Variants in ADAMTS19 observed in about 807,000 individuals in gnomAD.
The protein encoded by ADAMTS19 is A disintegrin and metalloproteinase with thrombospondin motifs 19.
ADAMTS19 carries 93 observed loss-of-function variants against 153.3 expected under a neutral mutation model. The ratio of observed to expected loss-of-function variants is 0.61; its 90% confidence interval spans 0.51 to 0.72. The LOEUF (loss-of-function observed/expected upper bound fraction) is 0.72, where lower values mean the gene tolerates loss of function less well. ADAMTS19 is among the 30% of genes least tolerant of loss of function. ADAMTS19 has a pLI of 0.00. For missense variants in ADAMTS19, 1,482 were observed against 1,552.1 expected (o/e 0.95, Z 0.76); for synonymous variants, 600 against 556.6 (o/e 1.08, Z -1.10).
rs371526889 is a variant in ADAMTS19, at chr5:129,731,747, G to T, written c.3313-3185G>T. On this transcript the variant is annotated intron_variant, in intron 21 of 22. Coordinates refer to ENST00000274487, the MANE Select transcript of ADAMTS19 (RefSeq NM_133638.6). ...AATAGTGACTTAGGAAAATACAGGG[G>T]AAAAAAGTATTACAAATGATATGTC... Among the ~76,000 whole-genome samples, 16 of 151,744 alleles carry T rather than the reference G, an allele frequency of 1.1e-4. No homozygotes were observed. In the East Asian group the frequency reaches 1.4e-3, roughly 13 times the overall value.
intron 16 of ADAMTS19, among the ~76,000 whole-genome samples, chr5:129,668,554 A>G (rs1199407046): frequency 6.6e-6 from 1 of 152,132 alleles, no homozygotes; most frequent in Non-Finnish European, 1.5e-5. Context: ...ACTAATCCCA[A>G]TTATAAGGGC....
At chr5:129,678,020 C>T (rs1754627372) in intron 16 of ADAMTS19, among the ~76,000 whole-genome samples, 1 of 152,130 alleles carries the variant, frequency 6.6e-6, no homozygotes, top group African/African-American at 2.4e-5. Flanking sequence ...GCCATGTTGT[C>T]CAGACTGGTC....
rs1581039365 is a variant in ADAMTS19 at position 129,526,338 on chromosome 5, A to G, written c.968A>G (p.Tyr323Cys). The change falls in exon 4 of 23, where the codon TAT (tyrosine) becomes TGT (cysteine). Residue 323 changes from tyrosine (Y) to cysteine (C), a missense_variant. Coordinates refer to ENST00000274487, the MANE Select transcript of ADAMTS19 (RefSeq NM_133638.6). ...KIAESGRGKR[Y>C]SYKLPQEYNI... ...GCAGAAAGTGGAAGAGGGAAACGATATTCATACAAATTACCTCAAGAATAC... is the reference window on the plus strand; with the variant it reads ...GCAGAAAGTGGAAGAGGGAAACGATGTTCATACAAATTACCTCAAGAATAC... The G allele has an allele frequency of 6.2e-7, 1 of 1,600,886 alleles. No homozygotes were observed. Among genetic ancestry groups the G allele is most frequent in the Non-Finnish European group, 8.5e-7 (1 of 1,174,764 alleles).
At chr5:129,605,499 C>T (rs1175139446) in intron 8 of ADAMTS19, among the ~76,000 whole-genome samples, 1 of 152,178 alleles carries the variant, frequency 6.6e-6, no homozygotes, top group Non-Finnish European at 1.5e-5. Flanking sequence ...ACTCACGTAT[C>T]AGGGTTCAGT....
chr5:129,479,804 C>A (rs770516418), intron 2 of ADAMTS19, among the ~76,000 whole-genome samples: 22 of 151,946 alleles, frequency 1.4e-4, no homozygotes, highest in Non-Finnish European at 3.1e-4. Flanking sequence ...AAAATATTGA[C>A]AGAGATTAAG....
Position 129,643,367 on chromosome 5 carries a change from C to CAA in ADAMTS19, c.1872+1425_1872+1426dup, listed in dbSNP as rs556007087. On this transcript the variant is annotated intron_variant, in intron 11 of 22. Transcript: ENST00000274487. ...ACAGAGCCAGACCTTGTTTCAAAGA[C>CAA]AAAAAAAAAAAAAAAAAAAGAAAAA... 8.5e-3 allele frequency among the ~76,000 whole-genome samples: 343 copies of CAA among 40,330 alleles called. 4 individuals carry two copies. The highest frequency in any genetic ancestry group is 0.021 in the African/African-American group (289 of 13,516). 26.5% of individuals were successfully genotyped at this position (40,330 alleles called of 152,430 possible).
chr5:129,663,931 G>A lies in ADAMTS19; in HGVS notation c.2426-1568G>A, dbSNP rs112086532. Among the ~76,000 whole-genome samples the A allele has an allele frequency of 9.9e-5, 15 of 152,202 alleles. 4 individuals carry two copies. The highest frequency in any genetic ancestry group is 3.6e-4 in the African/African-American group (15 of 41,544). ...TATCCCTTACTCTTCCTTATACACA[G>A]TGAACTCATCCTTTTTCTGTATGCA... On this transcript the variant is annotated intron_variant, in intron 15 of 22. Coordinates refer to ENST00000274487, the MANE Select transcript of ADAMTS19 (RefSeq NM_133638.6).
chr5:129,634,641 C>T (rs985975446), intron 10 of ADAMTS19, among the ~76,000 whole-genome samples: 1 of 151,946 alleles, frequency 6.6e-6, no homozygotes, highest in African/African-American at 2.4e-5. Context: ...CTACAACTAT[C>T]TTATTTTTGA....
intron 2 of ADAMTS19, among the ~76,000 whole-genome samples, chr5:129,488,875 A>G (rs1362204231): frequency 6.6e-6 from 1 of 152,028 alleles, no homozygotes; most frequent in East Asian, 1.9e-4. Context: ...TAAGGTCCTT[A>G]TGGTCCCTAA....
At chr5:129,721,136 G>A (rs1450428142) in intron 21 of ADAMTS19, among the ~76,000 whole-genome samples, 1 of 152,050 alleles carries the variant, frequency 6.6e-6, no homozygotes, top group African/African-American at 2.4e-5. Context: ...ACTTATTTCA[G>A]TATATTTCAG....
intron 2 of ADAMTS19, among the ~76,000 whole-genome samples, chr5:129,463,310 A>C (rs1749750047): frequency 2.0e-5 from 3 of 150,172 alleles, no homozygotes; most frequent in Admixed American, 2.0e-4. Flanking sequence ...ATACTTAAGG[A>C]AGCAAAGTTA....
At chr5:129,539,895 G>A (rs2126796185) in intron 6 of ADAMTS19, among the ~76,000 whole-genome samples, 1 of 152,080 alleles carries the variant, frequency 6.6e-6, no homozygotes, top group South Asian at 2.1e-4. Flanking sequence ...TGTTTCCAGT[G>A]CCATAATAGT....
intron 7 of ADAMTS19, among the ~76,000 whole-genome samples, chr5:129,559,315 C>CA (rs1425564109): frequency 6.6e-6 from 1 of 151,608 alleles, no homozygotes; most frequent in African/African-American, 2.4e-5. Context: ...AAGAAACAAA[C>CA]AAGGAAGTAG....
intron 2 of ADAMTS19, among the ~76,000 whole-genome samples, chr5:129,501,575 C>A (rs1451490735): frequency 6.6e-6 from 1 of 152,004 alleles, no homozygotes; most frequent in Non-Finnish European, 1.5e-5. Flanking sequence ...CAGGCCTACC[C>A]TTTTGCAGAA....
intron 2 of ADAMTS19, among the ~76,000 whole-genome samples, chr5:129,493,237 G>A (rs979855585): frequency 3.5e-4 from 54 of 152,204 alleles, no homozygotes; most frequent in African/African-American, 1.2e-3. Flanking sequence ...ATAATTTTAT[G>A]TGCTATTTTT....
chr5:129,496,291 G>A (rs1015610999), intron 2 of ADAMTS19, among the ~76,000 whole-genome samples: 1 of 152,066 alleles, frequency 6.6e-6, no homozygotes, highest in African/African-American at 2.4e-5. Context: ...CTTAATTACT[G>A]TAAAGATATT....
At chr5:129,622,848 A>C (rs1751843288) in intron 10 of ADAMTS19, among the ~76,000 whole-genome samples, 2 of 152,142 alleles carry the variant, frequency 1.3e-5, no homozygotes, top group Admixed American at 1.3e-4. Context: ...ATGCTATGTA[A>C]TTATTATACT....
intron 6 of ADAMTS19, among the ~76,000 whole-genome samples, chr5:129,549,661 T>C (rs1484133030): frequency 6.6e-6 from 1 of 151,280 alleles, no homozygotes; most frequent in Non-Finnish European, 1.5e-5. Context: ...CCAGTATTGA[T>C]TATTCTACTT....
chr5:129,683,271 G>A (rs1478122037), intron 17 of ADAMTS19, among the ~76,000 whole-genome samples: 1 of 150,894 alleles, frequency 6.6e-6, no homozygotes, highest in Non-Finnish European at 1.5e-5. Context: ...ATGTATAATT[G>A]GCCACACTAT....
Sources: allele counts gnomAD v4.1 joint callset (sites outside exome capture counted in the v4.1 genomes callset), GRCh38; gene constraint gnomAD v4.1.1; transcripts MANE v1.5; gene names NCBI Gene and HGNC (gene_info 2026-07-23, HGNC 2026-07-21).